The following DDAH1 variants were observed in gnomAD, a reference collection of about 807,000 sequenced individuals.
DDAH1 encodes the protein dimethylarginine dimethylaminohydrolase 1, also known as N(G),N(G)-dimethylarginine dimethylaminohydrolase 1.
In DDAH1, 19 loss-of-function variants were observed where a neutral mutation model predicts 28.8. The observed-to-expected ratio is 0.66, with a 90% CI of 0.46 to 0.97. The LOEUF is 0.97. Among genes scored for constraint, DDAH1 ranks in the 50% least tolerant of loss-of-function variants. DDAH1 has a pLI of 0.00. For synonymous variants in DDAH1, 153 were observed against 154.4 expected, an observed-to-expected ratio of 0.99 and a Z score of 0.07; for missense variants, 326 against 375.9, an observed-to-expected ratio of 0.87 and a Z score of 1.10.
chr1:85,325,064 G>A (rs1209489062), intron 4 of DDAH1, among the ~76,000 whole-genome samples, 181 bp from the exon 5 acceptor site: 1 of 152,162 alleles, frequency 6.6e-6, no homozygotes, highest in African/African-American at 2.4e-5. Flanking sequence ...TAAGCTATGA[G>A]TCTTTGGAAG....
At chr1:85,504,152 G>C (rs1281680646) in intron 1 of DDAH1, among the ~76,000 whole-genome samples, 1 of 152,204 alleles carries the variant, frequency 6.6e-6, no homozygotes, top group African/African-American at 2.4e-5. Flanking sequence ...ATTAGGAGCT[G>C]TCATAACCTA....
intron 1 of DDAH1, among the ~76,000 whole-genome samples, chr1:85,420,710 C>T (rs1380882401): frequency 1.3e-5 from 2 of 152,214 alleles, no homozygotes; most frequent in Admixed American, 6.5e-5. Context: ...AAGTTCCAAA[C>T]TTTCCCTTAT....
intron 4 of DDAH1, among the ~76,000 whole-genome samples, chr1:85,334,952 T>C (rs1392478701): frequency 6.6e-6 from 1 of 152,090 alleles, no homozygotes; most frequent in Non-Finnish European, 1.5e-5. Context: ...CCTTCATAAA[T>C]GAAGGACAAA....
At chr1:85,377,861 G>T (rs1650762397) in intron 1 of DDAH1, among the ~76,000 whole-genome samples, 1 of 151,936 alleles carries the variant, frequency 6.6e-6, no homozygotes, top group African/African-American at 2.4e-5. Flanking sequence ...TAAAGAATTG[G>T]AAAATATATA....
rs558040562 is a variant in DDAH1, at chr1:85,491,423, A to G, written c.-7+4743T>C. Among the ~76,000 whole-genome samples, 11 of 152,338 alleles carry G rather than the reference A, an allele frequency of 7.2e-5. No individual in the cohort carries two copies. In the South Asian group the frequency reaches 2.3e-3, roughly 32 times the overall value. ...TCAAACTGCAGACAAAGACAAAGGA[A>G]TCCTCTTTCTTTGCTGGTAGAACTG... On this transcript the variant is annotated intron_variant, in intron 2 of 6. Coordinates refer to the DDAH1 transcript ENST00000426972.
intron 1 of DDAH1, among the ~76,000 whole-genome samples, chr1:85,393,552 T>A (rs1651665100): frequency 1.3e-5 from 2 of 152,214 alleles, no homozygotes; most frequent in African/African-American, 4.8e-5. Flanking sequence ...GAAATTTACA[T>A]CTATGAAGAA....
At chr1:85,570,276 A>C (rs1490790072) in intron 1 of DDAH1, among the ~76,000 whole-genome samples, 3 of 151,300 alleles carry the variant, frequency 2.0e-5, no homozygotes, top group Non-Finnish European at 4.4e-5. Flanking sequence ...CTGATGCCTG[A>C]TATTTTCTAT....
chr1:85,554,812 C>T (rs1036203543), intron 1 of DDAH1, among the ~76,000 whole-genome samples: 7 of 152,346 alleles, frequency 4.6e-5, no homozygotes, highest in African/African-American at 1.7e-4. Context: ...CTAATCACTA[C>T]AGTACCTCAC....
At chr1:85,441,141 G>A (rs185028037) in intron 1 of DDAH1, among the ~76,000 whole-genome samples, 25 of 152,306 alleles carry the variant, frequency 1.6e-4, no homozygotes, top group Admixed American at 1.4e-3. Context: ...ACGCTCAATA[G>A]GATAGCAATA....
intron 1 of DDAH1, among the ~76,000 whole-genome samples, chr1:85,400,184 T>TTCTTTTTTTTC (rs1170734980): frequency 1.3e-5 from 1 of 78,460 alleles, no homozygotes; most frequent in African/African-American, 4.9e-5. Flanking sequence ...TTTCTTTTTT[T>TTCTTTTTTTTC]TTTTTTTTTT....
chr1:85,409,746 T>C (rs1652561047), intron 1 of DDAH1, among the ~76,000 whole-genome samples: 1 of 152,178 alleles, frequency 6.6e-6, no homozygotes, highest in Non-Finnish European at 1.5e-5. Flanking sequence ...CAGCATTATT[T>C]GTAATGCATA....
In DDAH1 at chr1:85,462,432, T is replaced by C. The variant is rs964511094; in HGVS notation, c.303+2311A>G. The stretch of plus-strand genomic sequence containing the variant: ...GCTTGGCTACAGTGTGGGAATGGAA[T>C]GGAAAATTGACAAGACTAGAGGCAG... On this transcript the variant is annotated intron_variant, in intron 1 of 5. Transcript: ENST00000284031. Among the ~76,000 whole-genome samples the C allele has an allele frequency of 3.3e-5, 5 of 152,128 alleles. No homozygotes were observed. The South Asian group carries it at 6.2e-4, about 19-fold the overall frequency.
chr1:85,573,539 A>G (rs1659517054), intron 1 of DDAH1, among the ~76,000 whole-genome samples: 1 of 152,230 alleles, frequency 6.6e-6, no homozygotes, highest in Non-Finnish European at 1.5e-5. Flanking sequence ...GAAGTTCTGT[A>G]AGGTAAGGGA....
At chr1:85,506,200 C>T (rs1657011114) in intron 1 of DDAH1, among the ~76,000 whole-genome samples, 1 of 152,104 alleles carries the variant, frequency 6.6e-6, no homozygotes, top group African/African-American at 2.4e-5. Flanking sequence ...AATGGTCTTG[C>T]CTGCTGGGTT....
chr1:85,377,787 T>C (rs1430354513), intron 1 of DDAH1, among the ~76,000 whole-genome samples: 1 of 150,002 alleles, frequency 6.7e-6, no homozygotes, highest in Non-Finnish European at 1.5e-5. Flanking sequence ...TGACTGAAGA[T>C]TTGGCTTCCC....
At chr1:85,555,321 T>C (rs1164898149) in intron 1 of DDAH1, among the ~76,000 whole-genome samples, 1 of 152,256 alleles carries the variant, frequency 6.6e-6, no homozygotes, top group Non-Finnish European at 1.5e-5. Flanking sequence ...TCCATACATT[T>C]ATCGTCTGTC....
At chr1:85,383,379 T>C (rs1183839565) in intron 1 of DDAH1, among the ~76,000 whole-genome samples, 1 of 152,240 alleles carries the variant, frequency 6.6e-6, no homozygotes, top group African/African-American at 2.4e-5. Flanking sequence ...ACTGAATTGC[T>C]GCAATCTCAT....
At chr1:85,482,903 C>T (rs1320622045) in intron 2 of DDAH1, among the ~76,000 whole-genome samples, 2 of 152,126 alleles carry the variant, frequency 1.3e-5, no homozygotes, top group Non-Finnish European at 2.9e-5. Flanking sequence ...AGGACTTTCA[C>T]AGAAAAGGAA....
chr1:85,483,912 C>T (rs546159382), intron 2 of DDAH1, among the ~76,000 whole-genome samples: 3 of 152,310 alleles, frequency 2.0e-5, no homozygotes, highest in Non-Finnish European at 1.5e-5. Context: ...CGCAGATACA[C>T]ACTCCAGGAG....
Sources: allele counts gnomAD v4.1 joint callset (sites outside exome capture counted in the v4.1 genomes callset), GRCh38; gene constraint gnomAD v4.1.1; transcripts MANE v1.5; gene names NCBI Gene and HGNC (gene_info 2026-07-23, HGNC 2026-07-21).